FHIT: variants seen among roughly 807,000 people sequenced by gnomAD.
FHIT encodes the protein fragile histidine triad diadenosine triphosphatase, also known as bis(5'-adenosyl)-triphosphatase.
Under a neutral mutation model 17.9 loss-of-function variants are expected in FHIT, and 19 were observed. That is an observed-to-expected ratio of 1.06 (90% confidence interval 0.74 to 1.56). The LOEUF (loss-of-function observed/expected upper bound fraction) is 1.56. Ranked by LOEUF, FHIT falls within the 40% of genes most tolerant of loss-of-function variation. The pLI, the probability that FHIT is intolerant of heterozygous loss-of-function variation, is 0.00. For synonymous variants in FHIT, 81 were observed against 69.7 expected (o/e 1.16, Z -0.81); for missense variants, 248 against 189.2 (o/e 1.31, Z -1.82).
chr3:60,517,541 G>A (rs879845943), intron 5 of FHIT, among the ~76,000 whole-genome samples: 22 of 152,180 alleles, frequency 1.4e-4, no homozygotes, highest in Non-Finnish European at 3.2e-4. Flanking sequence ...CGGTCAAAGG[G>A]TGGTCTTCAG....
intron 4 of FHIT, among the ~76,000 whole-genome samples, chr3:60,738,483 A>C (rs886526366): frequency 1.3e-5 from 2 of 152,190 alleles, no homozygotes; most frequent in Non-Finnish European, 2.9e-5. Flanking sequence ...TCCAGGTACC[A>C]AGCACAGGCT....
intron 8 of FHIT, among the ~76,000 whole-genome samples, chr3:59,849,511 A>C (rs1701851120): frequency 6.6e-6 from 1 of 152,226 alleles, no homozygotes; most frequent in Non-Finnish European, 1.5e-5. Flanking sequence ...GGTGGCTTGC[A>C]AACTACCCTA....
At chr3:59,951,600 T>A (rs1707119307) in intron 7 of FHIT, among the ~76,000 whole-genome samples, 1 of 152,058 alleles carries the variant, frequency 6.6e-6, no homozygotes, top group African/African-American at 2.4e-5. Flanking sequence ...TGGTAAGAGA[T>A]CATCAGGCCT....
At chr3:60,909,975 C>T (rs1056807335) in intron 3 of FHIT, among the ~76,000 whole-genome samples, 9 of 152,190 alleles carry the variant, frequency 5.9e-5, no homozygotes, top group Non-Finnish European at 8.8e-5. Flanking sequence ...ATTTAGAACA[C>T]ACCCCTCCTA....
intron 7 of FHIT, among the ~76,000 whole-genome samples, chr3:59,955,106 A>AC (rs2107321760): frequency 6.6e-6 from 1 of 152,316 alleles, no homozygotes; most frequent in East Asian, 1.9e-4. Context: ...TATAGGAAAA[A>AC]CAACAGTAGC....
chr3:60,384,820 G>A (rs374916188), intron 5 of FHIT, among the ~76,000 whole-genome samples: 1 of 142,844 alleles, frequency 7.0e-6, no homozygotes, highest in Non-Finnish European at 1.5e-5. Flanking sequence ...AGAGCTAGGA[G>A]GTATTTTCAC....
At chr3:60,776,750 T>C (rs1226423684) in intron 4 of FHIT, among the ~76,000 whole-genome samples, 1 of 152,238 alleles carries the variant, frequency 6.6e-6, no homozygotes, top group Non-Finnish European at 1.5e-5. Context: ...TAGATTTACA[T>C]GCAAGGTGTA....
At chr3:59,847,898 C>G (rs1347522544) in intron 8 of FHIT, among the ~76,000 whole-genome samples, 1 of 151,984 alleles carries the variant, frequency 6.6e-6, no homozygotes, top group Non-Finnish European at 1.5e-5. Flanking sequence ...TTTTGAATGT[C>G]CTAGTTTTCA....
intron 4 of FHIT, among the ~76,000 whole-genome samples, chr3:60,755,172 G>C (rs1353085297): frequency 6.6e-6 from 1 of 152,108 alleles, no homozygotes; most frequent in Non-Finnish European, 1.5e-5. Context: ...TCCTCTCCCT[G>C]GAATCTACCA....
intron 3 of FHIT, among the ~76,000 whole-genome samples, chr3:60,988,506 C>A (rs1266943223): frequency 6.6e-6 from 1 of 151,976 alleles, no homozygotes. Flanking sequence ...AACATAGAAC[C>A]AAATATGGAG....
In FHIT at chr3:61,246,785, G is replaced by A. The variant is rs537866182; in HGVS notation, c.-213+4516C>T. ...CCTAGATGACAGATTGACAGGTGCA[G>A]CAAACCACCACGGCACATGTATACC... On this transcript the variant is annotated intron_variant, in intron 1 of 9. Coordinates refer to ENST00000492590, the MANE Select transcript of FHIT (RefSeq NM_002012.4). 2.6e-5 allele frequency among the ~76,000 whole-genome samples: 4 copies of A among 152,088 alleles called. No homozygotes were observed. The South Asian group carries it at 8.3e-4, about 32-fold the overall frequency.
chr3:60,557,135 C>T (rs1461959695), intron 4 of FHIT, among the ~76,000 whole-genome samples: 1 of 152,170 alleles, frequency 6.6e-6, no homozygotes, highest in Non-Finnish European at 1.5e-5. Flanking sequence ...TCACTTACTC[C>T]TCTCCAAAGC....
chr3:60,219,607 T>C (rs1703865529), intron 5 of FHIT, among the ~76,000 whole-genome samples: 1 of 152,142 alleles, frequency 6.6e-6, no homozygotes, highest in African/African-American at 2.4e-5. Context: ...TGTAAGTTCA[T>C]CTGACAGAAT....
chr3:60,781,416 A>G (rs17063967), intron 4 of FHIT, among the ~76,000 whole-genome samples: 8,348 of 152,274 alleles, frequency 0.055, 253 homozygotes, highest in African/African-American at 0.079. Context: ...AAAGAAAACC[A>G]TTGACAATAT....
chr3:61,189,161 C>T (rs1372705971), intron 2 of FHIT, among the ~76,000 whole-genome samples: 1 of 152,212 alleles, frequency 6.6e-6, no homozygotes. Flanking sequence ...TTGCCGATGA[C>T]ATGAATGTAT....
chr3:59,946,566 G>A (rs1370102747), intron 7 of FHIT, among the ~76,000 whole-genome samples: 1 of 152,192 alleles, frequency 6.6e-6, no homozygotes. Flanking sequence ...TTGAAAAGGA[G>A]TGGTGAGAGT....
chr3:61,015,219 G>C (rs1019890244), intron 3 of FHIT, among the ~76,000 whole-genome samples: 3 of 152,096 alleles, frequency 2.0e-5, no homozygotes, highest in African/African-American at 4.8e-5. Context: ...ACCCCAGGTA[G>C]AGAAAGACTA....
Position 61,157,897 on chromosome 3 carries a change from G to A in FHIT, c.-164+42720C>T, listed in dbSNP as rs1251319238. Among the ~76,000 whole-genome samples, 11 of 152,120 alleles carry A rather than the reference G, an allele frequency of 7.2e-5. No homozygotes were observed. The East Asian group carries it at 9.6e-4, about 13-fold the overall frequency. ...AGGTTAGTAGTTGGTTACCTCTTAC[G>A]AAGAGGTAGAGATGGGATAAAAGGG... On this transcript the variant is annotated intron_variant, in intron 2 of 9. Transcript: ENST00000492590.
intron 8 of FHIT, among the ~76,000 whole-genome samples, chr3:59,876,455 C>CA (rs1703165857): frequency 1.2e-4 from 1 of 8,236 alleles, no homozygotes; most frequent in South Asian, 8.5e-3. Flanking sequence ...GTGGGAGCAG[C>CA]ACCCCTCCCC....
Sources: gnomAD v4.1 joint callset for allele counts (sites outside exome capture counted in the v4.1 genomes callset) on GRCh38, gnomAD v4.1.1 for gene constraint, MANE v1.5 for transcripts, NCBI Gene and HGNC (gene_info 2026-07-23, HGNC 2026-07-21) for gene names.